The following SEPTIN7 variants were observed in gnomAD, a reference collection of about 807,000 sequenced individuals.
The protein encoded by SEPTIN7 is septin-7.
SEPTIN7 carries 10 observed loss-of-function variants against 63.3 expected under a neutral mutation model. The ratio of observed to expected loss-of-function variants is 0.16; its 90% CI spans 0.10 to 0.27. SEPTIN7 has a LOEUF of 0.27. Among genes scored for constraint, SEPTIN7 ranks in the 10% least tolerant of loss-of-function variants. SEPTIN7 has a pLI of 1.00. For synonymous variants in SEPTIN7, 131 were observed against 165.3 expected, an observed-to-expected ratio of 0.79 and a Z score of 1.59; for missense variants, 310 against 521.0, an observed-to-expected ratio of 0.59 and a Z score of 3.94.
At chr7:35,869,234 C>A (rs1481115993) in intron 4 of SEPTIN7, among the ~76,000 whole-genome samples, 6 of 152,012 alleles carry the variant, frequency 3.9e-5, no homozygotes, top group Non-Finnish European at 8.8e-5. Flanking sequence ...GAATAGAAGG[C>A]CAAGTTAGAG....
At chr7:35,858,801 C>T (rs1325715032) in intron 3 of SEPTIN7, among the ~76,000 whole-genome samples, 1 of 151,998 alleles carries the variant, frequency 6.6e-6, no homozygotes, top group Non-Finnish European at 1.5e-5. Flanking sequence ...CTGCCTCAGC[C>T]TCCCAAGTAG....
chr7:35,889,035 T>G (rs17172038), intron 10 of SEPTIN7, among the ~76,000 whole-genome samples: 14,694 of 152,200 alleles, frequency 0.097, 816 homozygotes, highest in South Asian at 0.2. Context: ...ATGTTCCTTG[T>G]AAAGGGGATC....
downstream of SEPTIN7, among the ~76,000 whole-genome samples, chr7:35,910,722 A>G (rs1365867399): frequency 1.3e-5 from 2 of 152,386 alleles, no homozygotes; most frequent in East Asian, 3.9e-4. Flanking sequence ...GGATTACGGG[A>G]CAGCCCATAT....
chr7:35,883,042 G>C (rs761009715), intron 8 of SEPTIN7, among the ~76,000 whole-genome samples: 10 of 152,058 alleles, frequency 6.6e-5, no homozygotes, highest in African/African-American at 9.7e-5. Context: ...CAGATAGCTA[G>C]AAGAGGATTA....
At chr7:35,899,705 AG>A (rs1788192356) in intron 12 of SEPTIN7, 1 of 152,380 alleles carries the variant, frequency 6.6e-6, no homozygotes, top group Non-Finnish European at 1.5e-5. Context: ...CAACATGGCA[AG>A]ACCCAATCCC....
chr7:35,877,861 C>T (rs1786567331), intron 6 of SEPTIN7, among the ~76,000 whole-genome samples: 1 of 152,134 alleles, frequency 6.6e-6, no homozygotes, highest in South Asian at 2.1e-4. Context: ...ATGGGAGAAA[C>T]AAATACAGAT....
rs749056864 is a variant in SEPTIN7, at chr7:35,879,928, G to A, written c.618G>A (p.Gln206=). ...CACTCACACCAGAGGAATGCCAACA[G>A]TTTAAAAAACAGGTGAGCAGGATGT... ...ADTLTPEECQ[Q]FKKQIMKEIQ... The change falls in exon 7 of 14, where the codon CAG becomes CAA. Residue 206 remains glutamine (Q), a synonymous_variant. Coordinates refer to ENST00000350320, the MANE Select transcript of SEPTIN7 (RefSeq NM_001788.6). 1 of 1,580,462 alleles carries A rather than the reference G, an allele frequency of 6.3e-7. No homozygotes were observed. Among genetic ancestry groups the A allele is most frequent in the Non-Finnish European group, 8.6e-7 (1 of 1,158,772 alleles).
At chr7:35,892,859 C>T (rs1224700073) in intron 11 of SEPTIN7, among the ~76,000 whole-genome samples, 1 of 152,074 alleles carries the variant, frequency 6.6e-6, no homozygotes, top group Non-Finnish European at 1.5e-5. Flanking sequence ...GAAATGTTTG[C>T]ATTGCTAAAA....
rs75959437 is a variant in SEPTIN7 at position 35,905,861 on chromosome 7, G to A, written c.*1568G>A. Reference sequence around the variant, plus strand: ...GTGTCATTTCTTTTCTTAAGGTCAAGTGACATAGATTTTAATGTAATGCAT... The same window carrying A: ...GTGTCATTTCTTTTCTTAAGGTCAAATGACATAGATTTTAATGTAATGCAT... On this transcript the variant is annotated 3_prime_UTR_variant, in exon 14 of 14. Transcript: ENST00000350320. 1 of 152,122 alleles carries A rather than the reference G, an allele frequency of 6.6e-6. No homozygotes were observed. The highest frequency in any genetic ancestry group is 3.2e-3 in the Middle Eastern group (1 of 312). 9.4% of individuals were successfully genotyped at this position (152,122 alleles called of 1,614,324 possible). A position where few individuals can be genotyped will look rare whatever the true frequency, so the allele number is the denominator to read the frequency against.
At chr7:35,835,354 G>A (rs1784028043) in intron 3 of SEPTIN7, among the ~76,000 whole-genome samples, 1 of 152,168 alleles carries the variant, frequency 6.6e-6, no homozygotes, top group South Asian at 2.1e-4. Flanking sequence ...ACTTTTTTAT[G>A]TGCCAGGTAA....
chr7:35,869,751 C>G (rs1210023011), intron 4 of SEPTIN7, among the ~76,000 whole-genome samples: 1 of 152,026 alleles, frequency 6.6e-6, no homozygotes, highest in Non-Finnish European at 1.5e-5. Flanking sequence ...CCTTGGATTT[C>G]TGGAATCTCA....
At chr7:35,840,774 A>G (rs1784371858) in intron 3 of SEPTIN7, among the ~76,000 whole-genome samples, 2 of 152,278 alleles carry the variant, frequency 1.3e-5, no homozygotes, top group South Asian at 4.1e-4. Flanking sequence ...TAGAGGAGGA[A>G]AACAGTATAC....
downstream of SEPTIN7, among the ~76,000 whole-genome samples, chr7:35,907,874 T>G (rs7805632): frequency 0.33 from 50,701 of 152,032 alleles, 8,730 homozygotes; most frequent in East Asian, 0.48. Context: ...CTTGCTGGTT[T>G]GGAGTGAGGA....
rs536660715 is a variant in SEPTIN7, at chr7:35,841,780, T to C, written c.169+8880T>C. ...AGTGTAACTTCTTTACAGATAGAAA[T>C]GTAATTCTCACATAGAAGACTCATT... On this transcript the variant is annotated intron_variant, in intron 3 of 13. Coordinates refer to ENST00000350320, the MANE Select transcript of SEPTIN7 (RefSeq NM_001788.6). 2.0e-5 allele frequency among the ~76,000 whole-genome samples: 3 copies of C among 152,272 alleles called. No homozygotes were observed. In the South Asian group the frequency reaches 6.2e-4, roughly 32 times the overall value.
At chr7:35,885,358 C>T (rs1229751088) in intron 9 of SEPTIN7, among the ~76,000 whole-genome samples, 2 of 151,930 alleles carry the variant, frequency 1.3e-5, no homozygotes, top group Non-Finnish European at 2.9e-5. Context: ...TGTAGTTTAC[C>T]CCTCTACTCC....
chr7:35,862,814 A>G (rs1016377520), intron 3 of SEPTIN7, among the ~76,000 whole-genome samples: 4 of 152,154 alleles, frequency 2.6e-5, no homozygotes, highest in African/African-American at 7.2e-5. Context: ...CTTAGGTTAT[A>G]TATACCTTGA....
chr7:35,844,803 A>G (rs1269762715), intron 3 of SEPTIN7, among the ~76,000 whole-genome samples: 2 of 152,102 alleles, frequency 1.3e-5, no homozygotes, highest in South Asian at 2.1e-4. Context: ...GGATTTCACC[A>G]TGTTGGCCAG....
intron 1 of SEPTIN7, among the ~76,000 whole-genome samples, chr7:35,802,606 A>G (rs1788066236): frequency 1.3e-5 from 2 of 152,242 alleles, no homozygotes; most frequent in Admixed American, 1.3e-4. Context: ...GGTGATGAGT[A>G]TAGTCAGTTT....
downstream of SEPTIN7, among the ~76,000 whole-genome samples, chr7:35,908,963 A>C (rs938450555): frequency 2.6e-5 from 4 of 152,236 alleles, no homozygotes; most frequent in African/African-American, 9.6e-5. Flanking sequence ...GTAGCACAGA[A>C]AAGTTCCCTG....
Sources: allele counts gnomAD v4.1 joint callset (sites outside exome capture counted in the v4.1 genomes callset), GRCh38; gene constraint gnomAD v4.1.1; transcripts MANE v1.5; gene names NCBI Gene and HGNC (gene_info 2026-07-23, HGNC 2026-07-21).